The following CHIC2 variants were observed in gnomAD, a reference collection of about 807,000 sequenced individuals.
The protein encoded by CHIC2 is cysteine rich hydrophobic domain 2.
A neutral mutation model predicts 25.9 loss-of-function variants in CHIC2; 14 were observed. The ratio of observed to expected loss-of-function variants is 0.54; its 90% CI spans 0.36 to 0.85. The LOEUF is 0.85. Ranked by LOEUF, CHIC2 falls within the 40% of genes least tolerant of loss-of-function variation. The probability of loss-of-function intolerance (pLI) is 0.01; values close to 1 mark genes in which losing one functional copy is unlikely to be tolerated. For missense variants in CHIC2, 146 were observed against 202.0 expected (o/e 0.72, Z 1.68); for synonymous variants, 70 against 72.0 (o/e 0.97, Z 0.14).
the CHIC2 span, among the ~76,000 whole-genome samples, chr4:54,077,019 TGTC>T: frequency 1.3e-5 from 2 of 152,212 alleles, no homozygotes; most frequent in Non-Finnish European, 2.9e-5. Flanking sequence ...ACTCAACAAT[TGTC>T]ATCCTTGTTA....
At chr4:54,059,575 A>G (rs1264206021) in intron 1 of CHIC2, 1 of 151,578 alleles carries the variant, frequency 6.6e-6, no homozygotes, top group Non-Finnish European at 1.5e-5. Flanking sequence ...GGAGAAAAAA[A>G]AAAAAGTTAT....
At chr4:54,052,696 CT>C (rs1717037675) in intron 1 of CHIC2, among the ~76,000 whole-genome samples, 1 of 151,976 alleles carries the variant, frequency 6.6e-6, no homozygotes, top group Non-Finnish European at 1.5e-5. Flanking sequence ...ATCTACAAGA[CT>C]AATTAAATTT....
In CHIC2 at chr4:54,049,044, C is replaced by T. The variant is rs1716920304; in HGVS notation, c.241G>A (p.Val81Ile). 6.2e-7 allele frequency: 1 copy of T among 1,612,460 alleles called. No homozygotes were observed. Among genetic ancestry groups the T allele is most frequent in the South Asian group, 1.1e-5 (1 of 90,834 alleles). The change falls in exon 3 of 6, where the codon GTT (valine) becomes ATT (isoleucine). Residue 81 changes from valine to isoleucine, a missense_variant. By Grantham distance (29) the Val-to-Ile change is conservative. Coordinates refer to ENST00000263921, the MANE Select transcript of CHIC2 (RefSeq NM_012110.4). The part of the protein sequence containing the change: ...VNSCLKKNLP[V>I]NVRWLLCGCL... ...CCACAAAGTAGCCAACGTACATTAACAGGAAGGTTCTTCTTAAGACAACTG... is the reference window on the plus strand; with the variant it reads ...CCACAAAGTAGCCAACGTACATTAATAGGAAGGTTCTTCTTAAGACAACTG...
the CHIC2 span, among the ~76,000 whole-genome samples, chr4:54,077,539 G>T: frequency 6.6e-6 from 1 of 152,164 alleles, no homozygotes; most frequent in Non-Finnish European, 1.5e-5. Context: ...TGTTTTCTGA[G>T]AATCAAATGA....
At chr4:54,051,852 T>C (rs1201116495) in intron 1 of CHIC2, among the ~76,000 whole-genome samples, 1 of 152,150 alleles carries the variant, frequency 6.6e-6, no homozygotes, top group Non-Finnish European at 1.5e-5. Flanking sequence ...TTTCTTTCCT[T>C]CCTCAACTAA....
intron 3 of CHIC2, among the ~76,000 whole-genome samples, chr4:54,039,201 C>T (rs1362396554): frequency 1.3e-5 from 2 of 152,092 alleles, no homozygotes; most frequent in Non-Finnish European, 2.9e-5. Context: ...TTAGATACAG[C>T]ACAAAAGTAC....
chr4:54,090,557 A>T, the CHIC2 span, among the ~76,000 whole-genome samples: 1 of 152,152 alleles, frequency 6.6e-6, no homozygotes, highest in Non-Finnish European at 1.5e-5. Context: ...CTTTCCCCAC[A>T]ACATTCCATC....
At chr4:54,041,794 T>G (rs1716584660) in intron 3 of CHIC2, among the ~76,000 whole-genome samples, 1 of 152,018 alleles carries the variant, frequency 6.6e-6, no homozygotes, top group Admixed American at 6.6e-5. Context: ...ATCAAAAGGA[T>G]TTATGGCAAA....
chr4:54,014,464 T>C (rs1277291409), intron 3 of CHIC2, among the ~76,000 whole-genome samples: 1 of 152,122 alleles, frequency 6.6e-6, no homozygotes, highest in African/African-American at 2.4e-5. Flanking sequence ...AGTTCCTTAA[T>C]ACATATTTTA....
intron 3 of CHIC2, among the ~76,000 whole-genome samples, chr4:54,023,318 T>C (rs897048541): frequency 2.0e-5 from 3 of 152,200 alleles, no homozygotes; most frequent in Admixed American, 6.5e-5. Flanking sequence ...CTAATACTTT[T>C]AGAGGCCCTA....
chr4:54,064,828 GC>G (rs532180386), upstream of CHIC2: 386 of 214,480 alleles, frequency 1.8e-3, 2 homozygotes, highest in Middle Eastern at 4.9e-3. This position sits in a 1 kb window ranked among gnomAD's most constrained non-coding sequence, Gnocchi z 4.2. Flanking sequence ...CCGCCGGCGG[GC>G]CCCCCTCCGC....
chr4:54,077,609 A>G, the CHIC2 span, among the ~76,000 whole-genome samples: 3 of 152,216 alleles, frequency 2.0e-5, no homozygotes, highest in African/African-American at 7.2e-5. Context: ...TTTGCTGAGG[A>G]TGAGCATAGT....
intron 1 of CHIC2, among the ~76,000 whole-genome samples, chr4:54,056,442 C>T (rs1162808900): frequency 6.6e-6 from 1 of 152,050 alleles, no homozygotes; most frequent in East Asian, 1.9e-4. Flanking sequence ...ACAATATAGA[C>T]TAACAAAAAT....
chr4:54,019,917 T>A (rs555043011), intron 3 of CHIC2, among the ~76,000 whole-genome samples: 1 of 151,768 alleles, frequency 6.6e-6, no homozygotes, highest in South Asian at 2.1e-4. Context: ...ATCCAAAAAA[T>A]TAAGAGATAA....
intron 3 of CHIC2, among the ~76,000 whole-genome samples, chr4:54,044,688 GA>G (rs2110081381): frequency 6.6e-6 from 1 of 152,054 alleles, no homozygotes; most frequent in East Asian, 1.9e-4. Context: ...ACCCACAAGA[GA>G]AAGCAGGAAA....
intron 3 of CHIC2, among the ~76,000 whole-genome samples, chr4:54,042,896 T>C (rs1051546845): frequency 5.3e-5 from 8 of 152,236 alleles, no homozygotes; most frequent in African/African-American, 1.7e-4. Flanking sequence ...AGTAGGAATA[T>C]ATCTTTTATT....
rs1392093226 is a variant in CHIC2, at chr4:54,056,413, T to C, written c.120-7108A>G. On this transcript the variant is annotated intron_variant, in intron 1 of 5. Transcript: ENST00000263921. ...CTAAATTATGTTCATTTAAGCAAAATATATGGTTGAATTGATTTACAATAT... is the reference window on the plus strand; with the variant it reads ...CTAAATTATGTTCATTTAAGCAAAACATATGGTTGAATTGATTTACAATAT... 2.0e-5 allele frequency among the ~76,000 whole-genome samples: 3 copies of C among 152,112 alleles called. No homozygotes were observed. In the East Asian group the frequency reaches 5.8e-4, roughly 29 times the overall value.
In CHIC2 at chr4:54,038,248, G is replaced by A. The variant is rs145049815; in HGVS notation, c.330+10707C>T. On this transcript the variant is annotated intron_variant, in intron 3 of 5. Transcript: ENST00000263921. ...CCAAGGAATCTACAAAAAAGTTCCT[G>A]GAATTTAATAAGTGAATTTGGCAAG... Among the ~76,000 whole-genome samples, 612 of 152,194 alleles carry A rather than the reference G, an allele frequency of 4.0e-3. 6 individuals are homozygous for A. The highest frequency in any genetic ancestry group is 0.014 in the African/African-American group (582 of 41,526).
chr4:54,062,786 C>T (rs1376472156), intron 1 of CHIC2, among the ~76,000 whole-genome samples: 1 of 152,084 alleles, frequency 6.6e-6, no homozygotes, highest in African/African-American at 2.4e-5. Flanking sequence ...TAAAACAGTG[C>T]AAAAAGGTCC....
Sources: allele counts gnomAD v4.1 joint callset (sites outside exome capture counted in the v4.1 genomes callset), GRCh38; gene constraint gnomAD v4.1.1; non-coding constraint Gnocchi (gnomAD v3.1); transcripts MANE v1.5; gene names NCBI Gene and HGNC (gene_info 2026-07-23, HGNC 2026-07-21).